The following ITSN1 variants were observed in gnomAD, a reference collection of about 807,000 sequenced individuals.
The protein encoded by ITSN1 is intersectin-1.
ITSN1 carries 58 observed loss-of-function variants against 239.8 expected under a neutral mutation model. The observed-to-expected ratio is 0.24, with a 90% CI of 0.20 to 0.30. The LOEUF is 0.30. Among genes scored for constraint, ITSN1 ranks in the 10% least tolerant of loss-of-function variants. ITSN1 has a pLI of 1.00. For missense variants in ITSN1, 1,558 were observed against 2,103.3 expected, an observed-to-expected ratio of 0.74 and a Z score of 5.07; for synonymous variants, 780 against 770.8, an observed-to-expected ratio of 1.01 and a Z score of -0.20.
intron 9 of ITSN1, among the ~76,000 whole-genome samples, chr21:33,762,664 T>G (rs75454765): frequency 0.21 from 31,652 of 151,916 alleles, 4,030 homozygotes; most frequent in Non-Finnish European, 0.27. Flanking sequence ...TTTTTTTCAT[T>G]CATTATTATT....
In ITSN1 at chr21:33,774,990, A is replaced by G. The variant is rs1569153072; in HGVS notation, c.1478A>G (p.Glu493Gly). ...AAGAATGATAAAAAGCATCAACTAG[A>G]AGGGAAACTTCAAGATATCAGATGT... ...EALNDKKHQL[E>G]GKLQDIRCRL... Residue 493 changes from glutamate (E) to glycine (G), a missense_variant, in exon 14 of 40, where the codon GAA becomes GGA. Coordinates refer to ENST00000381318, the MANE Select transcript of ITSN1 (RefSeq NM_003024.3). The G allele has an allele frequency of 1.2e-6, 2 of 1,613,164 alleles. No individual in the cohort carries two copies. The highest frequency in any genetic ancestry group is 1.7e-6 in the Non-Finnish European group (2 of 1,179,498).
chr21:33,885,664 G>A, intron 38 of ITSN1, 142 bp downstream of exon 38: 1 of 644,578 alleles, frequency 1.6e-6, no homozygotes, highest in Non-Finnish European at 2.7e-6. Context: ...ACTAGCACTT[G>A]TTAAAAACCT....
Position 33,817,184 on chromosome 21 carries a change from A to G in ITSN1, c.2728-1083A>G, listed in dbSNP as rs760020417. On this transcript the variant is annotated intron_variant, in intron 22 of 39. Transcript: ENST00000381318. The stretch of plus-strand genomic sequence containing the variant: ...ATGCTTTAAGATACTGTAATGGTTT[A>G]ATGCTATAGCTTAAAAGATAATAAA... 71 of 1,252,270 alleles carry G rather than the reference A, an allele frequency of 5.7e-5. 1 individual carries two copies. The African/African-American group carries it at 9.7e-4, about 17-fold the overall frequency. The allele number at this position is 1,252,270 out of a possible 1,614,324, so 77.6% of individuals were successfully genotyped here. A position where few individuals can be genotyped will look rare whatever the true frequency, so the allele number is the denominator to read the frequency against.
chr21:33,652,922 T>TCATG (rs2088672206), intron 1 of ITSN1, among the ~76,000 whole-genome samples: 1 of 152,054 alleles, frequency 6.6e-6, no homozygotes, highest in Non-Finnish European at 1.5e-5. Context: ...ATTGTAGGCA[T>TCATG]CGTTCCCCAA....
chr21:33,882,293 G>C lies in ITSN1; in HGVS notation c.4392G>C (p.Leu1464=). The C allele has an allele frequency of 6.2e-7, 1 of 1,614,190 alleles. No individual in the cohort carries two copies. The highest frequency in any genetic ancestry group is 8.5e-7 in the Non-Finnish European group (1 of 1,180,038). ...VTNCLGPRKF[L]HSGKLYKAKS... ...ATTGCTTGGGGCCGCGCAAATTTCT[G>C]CACAGTGGGAAGCTCTACAAGGCCA... is the stretch of plus-strand genomic sequence containing the variant. The change falls in exon 35 of 40, where the codon CTG becomes CTC. Residue 1464 remains leucine (L), a synonymous_variant. Transcript: ENST00000381318. The surrounding 1 kb of genome is among the most constrained non-coding windows in gnomAD (Gnocchi z 4.5).
Position 33,721,245 on chromosome 21 carries a change from A to G in ITSN1, c.96A>G (p.Leu32=). ...AGCATGATCAGCAGTTCCATAGTTT[A>G]AAGCCAATATCTGGATTCATTACTG... ...RAKHDQQFHS[L]KPISGFITGD... The change falls in exon 3 of 40, where the codon TTA becomes TTG. Residue 32 remains leucine (L), a synonymous_variant. Coordinates refer to ENST00000381318, the MANE Select transcript of ITSN1 (RefSeq NM_003024.3). 2 of 1,611,312 alleles carry G rather than the reference A, an allele frequency of 1.2e-6. No homozygotes were observed. The highest frequency in any genetic ancestry group is 1.7e-6 in the Non-Finnish European group (2 of 1,177,444).
At chr21:33,832,578 G>A (rs1404774681) in intron 27 of ITSN1, among the ~76,000 whole-genome samples, 2 of 152,228 alleles carry the variant, frequency 1.3e-5, no homozygotes, top group African/African-American at 2.4e-5. Context: ...GGAAACACCA[G>A]TGAGTTCTGT....
At chr21:33,783,247 CCTATT>C (rs1281172661) in intron 16 of ITSN1, among the ~76,000 whole-genome samples, 13 of 151,992 alleles carry the variant, frequency 8.6e-5, no homozygotes, top group African/African-American at 2.4e-4. Context: ...AAGTAAAACT[CCTATT>C]CTATAATTCT....
chr21:33,858,284 C>A (rs1979755246), intron 30 of ITSN1, among the ~76,000 whole-genome samples: 1 of 152,238 alleles, frequency 6.6e-6, no homozygotes, highest in Admixed American at 6.5e-5. Flanking sequence ...TTTACCTATG[C>A]AGATGAAGGG....
intron 1 of ITSN1, among the ~76,000 whole-genome samples, chr21:33,704,925 A>T (rs1405940707): frequency 5.6e-4 from 8 of 14,338 alleles, no homozygotes; most frequent in East Asian, 1.9e-3. Flanking sequence ...ATCTCTACTA[A>T]AAAAAAAAAA....
chr21:33,692,517 A>G (rs935817631), intron 1 of ITSN1, among the ~76,000 whole-genome samples: 1 of 152,236 alleles, frequency 6.6e-6, no homozygotes, highest in Non-Finnish European at 1.5e-5. Flanking sequence ...TACTCAGGTT[A>G]CAACACTGGG....
intron 16 of ITSN1, among the ~76,000 whole-genome samples, chr21:33,791,166 C>T (rs1295587292): frequency 6.6e-6 from 1 of 152,196 alleles, no homozygotes; most frequent in African/African-American, 2.4e-5. Context: ...CCATAGTAAA[C>T]TCTTTAAGTC....
rs1458309978 is a variant in ITSN1, at chr21:33,811,184, C to T, written c.2529C>T (p.Pro843=). The change falls in exon 21 of 40, where the codon CCC becomes CCT. Residue 843 remains proline, a synonymous_variant. Transcript: ENST00000381318. ...CTTTGGCAGTAACCTCTTCAGAGCC[C>T]TCCACGACCCCTAATAACTGGGCCG... ...PAPLAVTSSE[P]STTPNNWADF... 3 of 1,609,056 alleles carry T rather than the reference C, an allele frequency of 1.9e-6. No individual in the cohort carries two copies. The highest frequency in any genetic ancestry group is 2.5e-6 in the Non-Finnish European group (3 of 1,176,836).
intron 4 of ITSN1, among the ~76,000 whole-genome samples, chr21:33,733,500 A>G (rs1166200440): frequency 6.6e-6 from 1 of 152,232 alleles, no homozygotes; most frequent in African/African-American, 2.4e-5. Flanking sequence ...ACAAAAATTT[A>G]GAATTTTTAT....
At chr21:33,736,080 A>G (rs1290330667) in intron 5 of ITSN1, among the ~76,000 whole-genome samples, 1 of 152,370 alleles carries the variant, frequency 6.6e-6, no homozygotes, top group African/African-American at 2.4e-5. Flanking sequence ...GACTGAGATC[A>G]GTAGTTCTGA....
chr21:33,671,744 A>G (rs1285809260), intron 1 of ITSN1, among the ~76,000 whole-genome samples: 2 of 151,088 alleles, frequency 1.3e-5, no homozygotes, highest in South Asian at 2.1e-4. Context: ...GTGAGCTGAG[A>G]TTGCGCCATT....
At chr21:33,854,491 G>A (rs1047993239) in intron 29 of ITSN1, among the ~76,000 whole-genome samples, 3 of 152,312 alleles carry the variant, frequency 2.0e-5, no homozygotes, top group Admixed American at 6.5e-5. Flanking sequence ...GGAGAGTGGG[G>A]TAAAAAGAGG....
intron 29 of ITSN1, chr21:33,837,544 T>G: frequency 1.0e-6 from 1 of 985,904 alleles, no homozygotes; most frequent in Non-Finnish European, 1.2e-6. Context: ...ACCATAGAAG[T>G]GCAGAGGAGT....
intron 20 of ITSN1, among the ~76,000 whole-genome samples, chr21:33,809,784 T>C (rs1890021846): frequency 6.6e-6 from 1 of 152,116 alleles, no homozygotes; most frequent in Admixed American, 6.6e-5. Flanking sequence ...ATAAGAATTA[T>C]AGTAATGAAA....
Sources: allele counts gnomAD v4.1 joint callset (sites outside exome capture counted in the v4.1 genomes callset), GRCh38; gene constraint gnomAD v4.1.1; non-coding constraint Gnocchi (gnomAD v3.1); transcripts MANE v1.5; gene names NCBI Gene and HGNC (gene_info 2026-07-23, HGNC 2026-07-21).